The following DPYSL3 variants were observed in gnomAD, a reference collection of about 807,000 sequenced individuals.
The protein encoded by DPYSL3 is dihydropyrimidinase-related protein 3.
Under a neutral mutation model 66.1 loss-of-function variants are expected in DPYSL3, and 16 were observed. The observed-to-expected ratio is 0.24, with a 90% confidence interval of 0.16 to 0.37. The LOEUF is 0.37. DPYSL3 is among the 10% of genes least tolerant of loss of function. The pLI is 1.00. For missense variants in DPYSL3, 738 were observed against 916.2 expected (o/e 0.81, Z 2.51); for synonymous variants, 338 against 345.1 (o/e 0.98, Z 0.23).
chr5:147,464,774 G>A (rs1274369963), intron 1 of DPYSL3, among the ~76,000 whole-genome samples: 1 of 152,148 alleles, frequency 6.6e-6, no homozygotes, highest in Admixed American at 6.5e-5. Context: ...GGAGCATCTA[G>A]AATGGTCAGT....
chr5:147,497,327 C>A (rs901804208), intron 1 of DPYSL3, among the ~76,000 whole-genome samples: 1 of 151,826 alleles, frequency 6.6e-6, no homozygotes, highest in Non-Finnish European at 1.5e-5. Context: ...GTGCAGCATA[C>A]CAGCATGGCA....
chr5:147,489,926 C>A (rs936409799), intron 1 of DPYSL3, among the ~76,000 whole-genome samples: 4 of 151,636 alleles, frequency 2.6e-5, no homozygotes, highest in African/African-American at 9.7e-5. Flanking sequence ...AGTAGGACTG[C>A]ACATGTACCT....
intron 1 of DPYSL3, among the ~76,000 whole-genome samples, chr5:147,498,705 T>C (rs1463291326): frequency 1.3e-5 from 2 of 152,248 alleles, no homozygotes; most frequent in Non-Finnish European, 2.9e-5. Context: ...TTGAGCTTTT[T>C]TTCATATGAT....
intron 1 of DPYSL3, among the ~76,000 whole-genome samples, chr5:147,497,630 G>A (rs1050358363): frequency 6.6e-6 from 1 of 151,706 alleles, no homozygotes; most frequent in South Asian, 2.1e-4. Context: ...ATCCAAACAG[G>A]CTAAAGAAGA....
In DPYSL3 at chr5:147,489,375, G is replaced by A. The variant is rs549487583; in HGVS notation, c.381+20103C>T. On this transcript the variant is annotated intron_variant, in intron 1 of 13. Transcript: ENST00000343218. ...TACCAGAAGAGAACAGCACAGGGGC[G>A]TATGGAAAGCAATCAGAGAGTCCTT... Among the ~76,000 whole-genome samples the A allele has an allele frequency of 1.0e-3, 153 of 152,284 alleles. 1 individual carries two copies. In the South Asian group the frequency reaches 0.012, roughly 12 times the overall value.
intron 1 of DPYSL3, among the ~76,000 whole-genome samples, chr5:147,445,715 C>T (rs73794744): frequency 0.025 from 3,825 of 152,154 alleles, 156 homozygotes; most frequent in African/African-American, 0.087. Context: ...ATACAGACTC[C>T]GAGTTGTTTT....
At position 147,399,378 on chromosome 5, in the gene DPYSL3, G is replaced by A. The variant is rs1290850091; in HGVS notation, c.1453-126C>T. On this transcript the variant is annotated intron_variant, in intron 10 of 13. Coordinates refer to ENST00000343218, the MANE Select transcript of DPYSL3 (RefSeq NM_001197294.2). ...ACAAAAAGGAGCCACCTGAAAAGCTGGTGAGCTACAGAACCTCACTCAGCA... is the reference window on the plus strand; with the variant it reads ...ACAAAAAGGAGCCACCTGAAAAGCTAGTGAGCTACAGAACCTCACTCAGCA... The A allele has an allele frequency of 5.3e-6, 6 of 1,142,012 alleles. No individual in the cohort carries two copies. The African/African-American group carries it at 9.5e-5, about 18-fold the overall frequency. The allele number at this position is 1,142,012 out of a possible 1,614,324, so 70.7% of individuals were successfully genotyped here. A position where few individuals can be genotyped will look rare whatever the true frequency, so the allele number is the denominator to read the frequency against.
intron 1 of DPYSL3, among the ~76,000 whole-genome samples, chr5:147,476,713 G>A (rs1753160616): frequency 1.3e-5 from 2 of 152,288 alleles, no homozygotes; most frequent in Non-Finnish European, 2.9e-5. Context: ...TGTTCTTGAT[G>A]GAGTATTGTG....
intron 6 of DPYSL3, among the ~76,000 whole-genome samples, chr5:147,411,657 G>C (rs756981307): frequency 2.6e-5 from 4 of 152,114 alleles, no homozygotes; most frequent in Non-Finnish European, 5.9e-5. Flanking sequence ...CTCACCAAAC[G>C]GCACCTGCTA....
Position 147,408,813 on chromosome 5 carries a change from A to C in DPYSL3, c.964-17T>G. On this transcript the variant is annotated splice_polypyrimidine_tract_variant and intron_variant, in intron 6 of 13. Coordinates refer to ENST00000343218, the MANE Select transcript of DPYSL3 (RefSeq NM_001197294.2). ...GGTTTGCTCCTGAAATGAAAAAAGA[A>C]AATAGTTCTTCAATAAGCTCAAGTG... 1 of 1,614,122 alleles carries C rather than the reference A, an allele frequency of 6.2e-7. No homozygotes were observed. The highest frequency in any genetic ancestry group is 1.3e-5 in the African/African-American group (1 of 75,056).
intron 1 of DPYSL3, among the ~76,000 whole-genome samples, chr5:147,452,895 ACAC>A (rs1461385701): frequency 1.4e-5 from 2 of 147,602 alleles, no homozygotes; most frequent in African/African-American, 5.0e-5. Flanking sequence ...ACACACACAC[ACAC>A]ACACACACAC....
chr5:147,502,129 C>A (rs1753620672), intron 1 of DPYSL3, among the ~76,000 whole-genome samples: 1 of 152,072 alleles, frequency 6.6e-6, no homozygotes, highest in Non-Finnish European at 1.5e-5. Flanking sequence ...ACGCTGCCTT[C>A]TAGCTGTGTT....
chr5:147,464,368 T>A (rs1357271353), intron 1 of DPYSL3, among the ~76,000 whole-genome samples: 2 of 152,158 alleles, frequency 1.3e-5, no homozygotes, highest in African/African-American at 4.8e-5. Flanking sequence ...TCTGGGTTAT[T>A]TAGTGCCTTT....
chr5:147,414,613 C>G (rs756338651), intron 4 of DPYSL3, among the ~76,000 whole-genome samples: 1 of 152,198 alleles, frequency 6.6e-6, no homozygotes, highest in African/African-American at 2.4e-5. Flanking sequence ...ATGGAATGAT[C>G]CAGGCTCTTT....
intron 1 of DPYSL3, among the ~76,000 whole-genome samples, chr5:147,439,956 C>T (rs995745549): frequency 6.6e-6 from 1 of 152,166 alleles, no homozygotes; most frequent in Non-Finnish European, 1.5e-5. Context: ...AAGGCAGCTT[C>T]GACAGAGCCA....
In DPYSL3 at chr5:147,393,536, T is replaced by A. The variant is rs1203346237; in HGVS notation, c.*499A>T. On this transcript the variant is annotated 3_prime_UTR_variant, in exon 14 of 14. Transcript: ENST00000343218. ...CTATCTTCCATGGAAATAACGTACG[T>A]CATCAACACAATATACAACACCCCT... is the stretch of plus-strand genomic sequence containing the variant. The A allele has an allele frequency of 6.5e-6, 1 of 154,256 alleles. No homozygotes were observed. The highest frequency in any genetic ancestry group is 1.4e-5 in the Non-Finnish European group (1 of 69,148). The allele number at this position is 154,256 out of a possible 1,614,324, so 9.6% of individuals were successfully genotyped here.
chr5:147,451,970 G>A (rs73794762), intron 1 of DPYSL3, among the ~76,000 whole-genome samples: 3,781 of 152,206 alleles, frequency 0.025, 150 homozygotes, highest in African/African-American at 0.085. Context: ...AATGCCATCA[G>A]GTAGTGGTAA....
intron 6 of DPYSL3, among the ~76,000 whole-genome samples, chr5:147,409,387 A>G (rs1751797694): frequency 6.6e-6 from 1 of 152,254 alleles, no homozygotes. Context: ...GTTGAATCCT[A>G]GAAATGCATA....
At chr5:147,420,312 A>C (rs2126317219) in intron 2 of DPYSL3, among the ~76,000 whole-genome samples, 1 of 152,334 alleles carries the variant, frequency 6.6e-6, no homozygotes, top group African/African-American at 2.4e-5. Context: ...AGCCCATAAA[A>C]CACTGTTAGG....
Sources: allele counts gnomAD v4.1 joint callset (sites outside exome capture counted in the v4.1 genomes callset), GRCh38; gene constraint gnomAD v4.1.1; transcripts MANE v1.5; gene names NCBI Gene and HGNC (gene_info 2026-07-23, HGNC 2026-07-21).